Variants in ELOVL7 observed in about 807,000 individuals in gnomAD.
ELOVL7 encodes the protein ELOVL fatty acid elongase 7, also known as very long chain fatty acid elongase 7.
ELOVL7 carries 27 observed loss-of-function variants against 35.7 expected under a neutral mutation model. The observed-to-expected ratio is 0.76, with a 90% CI of 0.56 to 1.04. The LOEUF (loss-of-function observed/expected upper bound fraction) is 1.04, where lower values mean the gene tolerates loss of function less well. Ranked by LOEUF, ELOVL7 falls within the 50% of genes least tolerant of loss-of-function variation. The probability of loss-of-function intolerance (pLI) is 0.00; values close to 1 mark genes in which losing one functional copy is unlikely to be tolerated. For missense variants in ELOVL7, 327 were observed against 340.8 expected, an observed-to-expected ratio of 0.96 and a Z score of 0.32; for synonymous variants, 113 against 114.6, an observed-to-expected ratio of 0.99 and a Z score of 0.09.
chr5:60,819,895 T>C (rs1256242267), intron 1 of ELOVL7, among the ~76,000 whole-genome samples: 2 of 152,206 alleles, frequency 1.3e-5, no homozygotes, highest in African/African-American at 4.8e-5. Context: ...GCGCCTAATA[T>C]GTCCAAAAGG....
intron 3 of ELOVL7, among the ~76,000 whole-genome samples, chr5:60,782,424 G>A (rs1743311445): frequency 6.6e-6 from 1 of 152,152 alleles, no homozygotes; most frequent in African/African-American, 2.4e-5. Context: ...AATGAAATCA[G>A]CATATTGAAG....
At chr5:60,759,363 A>G (rs1342686164) in intron 7 of ELOVL7, among the ~76,000 whole-genome samples, 1 of 152,232 alleles carries the variant, frequency 6.6e-6, no homozygotes, top group Non-Finnish European at 1.5e-5. Flanking sequence ...AAATTTGAAT[A>G]AACACATTAT....
At chr5:60,773,914 T>C (rs1742749536) in intron 3 of ELOVL7, among the ~76,000 whole-genome samples, 1 of 152,292 alleles carries the variant, frequency 6.6e-6, no homozygotes, top group African/African-American at 2.4e-5. Context: ...AATGGCAGTA[T>C]GCCATATTCT....
intron 2 of ELOVL7, among the ~76,000 whole-genome samples, chr5:60,789,917 C>A (rs968872299): frequency 6.6e-6 from 1 of 152,138 alleles, no homozygotes; most frequent in Non-Finnish European, 1.5e-5. Flanking sequence ...GTGGGCAGAT[C>A]ATCTGAGGTC....
chr5:60,843,247 C>T (rs892037172), intron 1 of ELOVL7, among the ~76,000 whole-genome samples: 1 of 152,062 alleles, frequency 6.6e-6, no homozygotes, highest in African/African-American at 2.4e-5. Context: ...GGTGTAAAGA[C>T]CCGCTCCTTC....
intron 1 of ELOVL7, among the ~76,000 whole-genome samples, chr5:60,843,045 G>A (rs1004507585): frequency 6.6e-6 from 1 of 152,112 alleles, no homozygotes; most frequent in Non-Finnish European, 1.5e-5. Flanking sequence ...ACCAGGTATC[G>A]ATGACCCTTT....
At position 60,754,543 on chromosome 5, in the gene ELOVL7, A is replaced by C. The variant is rs1288890441; in HGVS notation, c.*81T>G. The C allele has an allele frequency of 7.8e-7, 1 of 1,275,326 alleles. No homozygotes were observed. Among genetic ancestry groups the C allele is most frequent in the Non-Finnish European group, 1.1e-6 (1 of 901,860 alleles). 79.0% of individuals were successfully genotyped at this position (1,275,326 alleles called of 1,614,324 possible). A position where few individuals can be genotyped will look rare whatever the true frequency, so the allele number is the denominator to read the frequency against. ...AAGCTCTTAGTTTTGAAAAATATAC[A>C]AAATGCACTGCATAGGTAAATATCT... On this transcript the variant is annotated 3_prime_UTR_variant, in exon 9 of 9. Transcript: ENST00000508821.
chr5:60,827,721 A>C (rs1746251266), intron 1 of ELOVL7, among the ~76,000 whole-genome samples: 1 of 152,186 alleles, frequency 6.6e-6, no homozygotes, highest in Non-Finnish European at 1.5e-5. Context: ...ATGAGCATGT[A>C]ATTTATTAAC....
In ELOVL7 at chr5:60,783,197, G is replaced by A. The variant is rs552101627; in HGVS notation, c.64+4137C>T. Among the ~76,000 whole-genome samples the A allele has an allele frequency of 2.0e-5, 3 of 152,254 alleles. No individual in the cohort carries two copies. The East Asian group carries it at 5.8e-4, about 29-fold the overall frequency. ...ACCCCTCACTAGGTACTCTTCAATAGTCTTTTATATGGTTTCACTGCCTCC... is the reference window on the plus strand; with the variant it reads ...ACCCCTCACTAGGTACTCTTCAATAATCTTTTATATGGTTTCACTGCCTCC... On this transcript the variant is annotated intron_variant, in intron 3 of 8. Coordinates refer to ENST00000508821, the MANE Select transcript of ELOVL7 (RefSeq NM_024930.3).
chr5:60,766,550 C>G, intron 6 of ELOVL7, 24 bp downstream of exon 6: 3 of 1,566,602 alleles, frequency 1.9e-6, no homozygotes, highest in East Asian at 2.3e-5. Context: ...AAACATTTAC[C>G]AAATGTGGTG....
At position 60,787,327 on chromosome 5, in the gene ELOVL7, T is replaced by C. The variant is rs748731170; in HGVS notation, c.64+7A>G. On this transcript the variant is annotated splice_region_variant and intron_variant, in intron 3 of 8. Coordinates refer to ENST00000508821, the MANE Select transcript of ELOVL7 (RefSeq NM_024930.3). ...ATGAACCTCAATTAGGAAATGTGGT[T>C]ACTCACCAGCATCTTTGATCCAATT... The C allele has an allele frequency of 3.1e-6, 5 of 1,590,728 alleles. No individual in the cohort carries two copies. The African/African-American group carries it at 5.4e-5, about 17-fold the overall frequency.
chr5:60,807,280 G>T (rs890087227), intron 1 of ELOVL7, among the ~76,000 whole-genome samples: 1 of 152,166 alleles, frequency 6.6e-6, no homozygotes, highest in African/African-American at 2.4e-5. Context: ...AACCTATGAG[G>T]TGGAATGAAT....
At chr5:60,763,649 C>T (rs1742056029) in intron 7 of ELOVL7, among the ~76,000 whole-genome samples, 1 of 152,160 alleles carries the variant, frequency 6.6e-6, no homozygotes, top group Admixed American at 6.6e-5. Context: ...AAGAAACGAC[C>T]TGTTTTCCAA....
At chr5:60,816,242 T>C in intron 1 of ELOVL7, among the ~76,000 whole-genome samples, 1 of 152,036 alleles carries the variant, frequency 6.6e-6, no homozygotes. Context: ...TAGCCGGGCA[T>C]GGTGGCGGCC....
At chr5:60,814,434 C>G (rs1362506233) in intron 1 of ELOVL7, among the ~76,000 whole-genome samples, 2 of 152,130 alleles carry the variant, frequency 1.3e-5, no homozygotes, top group African/African-American at 4.8e-5. Context: ...AGCAGTACAA[C>G]TAGGCACATC....
chr5:60,758,371 AT>A lies in ELOVL7; in HGVS notation c.500-727del, dbSNP rs1455025078. Among the ~76,000 whole-genome samples the A allele has an allele frequency of 3.3e-5, 5 of 152,122 alleles. No individual in the cohort carries two copies. In the East Asian group the frequency reaches 5.8e-4, roughly 18 times the overall value. On this transcript the variant is annotated intron_variant, in intron 7 of 8. Coordinates refer to ENST00000508821, the MANE Select transcript of ELOVL7 (RefSeq NM_024930.3). ...TATTCTGAATAAAGCTGCTAAGAATATTTTTTTATATGTCATTGTGTGCAAT... is the reference window on the plus strand; with the variant it reads ...TATTCTGAATAAAGCTGCTAAGAATATTTTTTATATGTCATTGTGTGCAAT...
At chr5:60,815,477 C>A (rs1480773188) in intron 1 of ELOVL7, among the ~76,000 whole-genome samples, 1 of 152,048 alleles carries the variant, frequency 6.6e-6, no homozygotes, top group Non-Finnish European at 1.5e-5. Flanking sequence ...TTGCTTAACC[C>A]TTTCATTAAA....
intron 1 of ELOVL7, among the ~76,000 whole-genome samples, chr5:60,831,656 T>C (rs1280428113): frequency 6.6e-6 from 1 of 152,232 alleles, no homozygotes; most frequent in East Asian, 1.9e-4. Flanking sequence ...TAAAATATCT[T>C]TGCATCTTTA....
intron 2 of ELOVL7, among the ~76,000 whole-genome samples, chr5:60,795,597 A>G (rs575074559): frequency 6.6e-6 from 1 of 152,238 alleles, no homozygotes; most frequent in East Asian, 1.9e-4. Flanking sequence ...TTCTGGCTCA[A>G]GCTGAACTTT....
Sources: allele counts gnomAD v4.1 joint callset (sites outside exome capture counted in the v4.1 genomes callset), GRCh38; gene constraint gnomAD v4.1.1; transcripts MANE v1.5; gene names NCBI Gene and HGNC (gene_info 2026-07-23, HGNC 2026-07-21).